Variants in CCDC85A observed in about 807,000 individuals in gnomAD.
CCDC85A encodes the protein coiled-coil domain containing 85A.
In CCDC85A, 38 loss-of-function variants were observed where a neutral mutation model predicts 50.2. The ratio of observed to expected loss-of-function variants is 0.76; its 90% CI spans 0.58 to 0.99. The LOEUF (loss-of-function observed/expected upper bound fraction) is 0.99, where lower values mean the gene tolerates loss of function less well. Among genes scored for constraint, CCDC85A ranks in the 50% least tolerant of loss-of-function variants. The pLI is 0.00. For synonymous variants in CCDC85A, 366 were observed against 301.4 expected, an observed-to-expected ratio of 1.21 and a Z score of -2.22; for missense variants, 820 against 742.0, an observed-to-expected ratio of 1.11 and a Z score of -1.22.
chr2:56,226,372 C>G (rs1207251167), intron 2 of CCDC85A, among the ~76,000 whole-genome samples: 4 of 152,148 alleles, frequency 2.6e-5, no homozygotes, highest in Non-Finnish European at 5.9e-5. Flanking sequence ...ATAGTAGATA[C>G]TCACTGAATA....
chr2:56,198,577 T>A (rs977367217), intron 2 of CCDC85A, among the ~76,000 whole-genome samples: 3 of 152,222 alleles, frequency 2.0e-5, no homozygotes, highest in Admixed American at 6.5e-5. Context: ...CATTTTGACT[T>A]AATGACATAG....
intron 2 of CCDC85A, among the ~76,000 whole-genome samples, chr2:56,232,446 G>T (rs1257076597): frequency 1.3e-5 from 2 of 152,164 alleles, no homozygotes; most frequent in African/African-American, 4.8e-5. Context: ...CAAGTATCAA[G>T]GGCAGGACCA....
At chr2:56,321,768 T>C (rs576829946) in intron 2 of CCDC85A, among the ~76,000 whole-genome samples, 1 of 152,288 alleles carries the variant, frequency 6.6e-6, no homozygotes, top group South Asian at 2.1e-4. Flanking sequence ...CCAATGACTT[T>C]CTTCACAGAA....
At chr2:56,216,061 AG>A (rs1406826555) in intron 2 of CCDC85A, among the ~76,000 whole-genome samples, 1 of 151,916 alleles carries the variant, frequency 6.6e-6, no homozygotes, top group Non-Finnish European at 1.5e-5. Flanking sequence ...AGACTTTCAA[AG>A]CCTAAAATAC....
chr2:56,275,864 A>T (rs1279925862), intron 2 of CCDC85A, among the ~76,000 whole-genome samples: 1 of 152,184 alleles, frequency 6.6e-6, no homozygotes, highest in Non-Finnish European at 1.5e-5. Flanking sequence ...AGGAGGCAAA[A>T]GTTCATCACG....
intron 2 of CCDC85A, among the ~76,000 whole-genome samples, chr2:56,262,915 A>G (rs920424187): frequency 2.0e-5 from 3 of 152,260 alleles, no homozygotes; most frequent in African/African-American, 4.8e-5. Flanking sequence ...TAGTTTGGCA[A>G]AATATAACTA....
In CCDC85A at chr2:56,184,893, G is replaced by T. The variant is rs565024722; in HGVS notation, c.269G>T (p.Gly90Val). The T allele has an allele frequency of 3.8e-5, 58 of 1,513,720 alleles. No homozygotes were observed. In the South Asian group the frequency reaches 7.2e-4, roughly 19 times the overall value. 93.8% of individuals were successfully genotyped at this position (1,513,720 alleles called of 1,614,324 possible). Residue 90 changes from glycine (G) to valine (V), a missense_variant, in exon 1 of 6, where the codon GGC becomes GTC. Transcript: ENST00000407595. ...RLQLHLGEIR[G>V]LKDINQKLQE... ...CAGCTGCACCTCGGCGAGATCCGCG[G>T]CCTCAAGGTGAGCGCGGGCCAGGTG...
intron 2 of CCDC85A, among the ~76,000 whole-genome samples, chr2:56,274,676 C>T (rs370471034): frequency 3.9e-5 from 6 of 152,296 alleles, no homozygotes; most frequent in South Asian, 4.1e-4. Flanking sequence ...GACCGGGCAC[C>T]GTAGTCTAGC....
intron 2 of CCDC85A, among the ~76,000 whole-genome samples, chr2:56,194,005 T>C (rs936401288): frequency 2.6e-5 from 4 of 152,230 alleles, no homozygotes; most frequent in African/African-American, 9.6e-5. Context: ...GGATTTTTTT[T>C]CCATTGTGTT....
At chr2:56,375,378 G>C (rs1311173794) in intron 4 of CCDC85A, among the ~76,000 whole-genome samples, 2 of 152,152 alleles carry the variant, frequency 1.3e-5, no homozygotes, top group Non-Finnish European at 2.9e-5. Context: ...CCTCAAAGAA[G>C]GGTTTTATAA....
chr2:56,258,519 G>C (rs374547091), intron 2 of CCDC85A, among the ~76,000 whole-genome samples: 22 of 152,268 alleles, frequency 1.4e-4, no homozygotes, highest in African/African-American at 5.3e-4. Context: ...GTTATGGAGA[G>C]AGTCTACCAG....
chr2:56,357,344 G>A (rs1175242798), intron 3 of CCDC85A, among the ~76,000 whole-genome samples: 2 of 152,272 alleles, frequency 1.3e-5, no homozygotes, highest in East Asian at 3.9e-4. Flanking sequence ...AGTCATGAGA[G>A]TGTGATAAGA....
At chr2:56,216,634 G>A (rs990263389) in intron 2 of CCDC85A, among the ~76,000 whole-genome samples, 1 of 149,704 alleles carries the variant, frequency 6.7e-6, no homozygotes, top group African/African-American at 2.5e-5. Flanking sequence ...GAGTTCAGTT[G>A]TATTCATTTC....
intron 3 of CCDC85A, among the ~76,000 whole-genome samples, chr2:56,353,066 G>C (rs1310125340): frequency 1.3e-5 from 2 of 151,924 alleles, no homozygotes; most frequent in Non-Finnish European, 2.9e-5. Context: ...CACTATATTG[G>C]GTCTTTAATT....
intron 4 of CCDC85A, 72 bp downstream of exon 4, chr2:56,372,550 GT>G: frequency 7.2e-7 from 1 of 1,389,232 alleles, no homozygotes; most frequent in Non-Finnish European, 9.5e-7. Flanking sequence ...TAGAGAAAAA[GT>G]TATACTGGGG....
At chr2:56,252,229 G>A (rs1384026086) in intron 2 of CCDC85A, among the ~76,000 whole-genome samples, 1 of 151,984 alleles carries the variant, frequency 6.6e-6, no homozygotes, top group Non-Finnish European at 1.5e-5. Flanking sequence ...TGTATTTTTA[G>A]TAGAGACAGG....
At chr2:56,224,816 G>A (rs899171296) in intron 2 of CCDC85A, among the ~76,000 whole-genome samples, 3 of 152,020 alleles carry the variant, frequency 2.0e-5, no homozygotes, top group Admixed American at 6.6e-5. Flanking sequence ...AGTTATAAAT[G>A]TTCTTTATGT....
At chr2:56,337,051 C>A (rs1461764083) in intron 2 of CCDC85A, among the ~76,000 whole-genome samples, 4 of 152,194 alleles carry the variant, frequency 2.6e-5, no homozygotes, top group Non-Finnish European at 5.9e-5. Flanking sequence ...AGCTTTAGTT[C>A]TCTTATTTGC....
At chr2:56,198,150 A>G (rs1314271792) in intron 2 of CCDC85A, among the ~76,000 whole-genome samples, 2 of 152,266 alleles carry the variant, frequency 1.3e-5, no homozygotes, top group Non-Finnish European at 2.9e-5. Context: ...GATAACCTGT[A>G]TGTGGAAGAC....
Sources: allele counts gnomAD v4.1 joint callset (sites outside exome capture counted in the v4.1 genomes callset), GRCh38; gene constraint gnomAD v4.1.1; transcripts MANE v1.5; gene names NCBI Gene and HGNC (gene_info 2026-07-23, HGNC 2026-07-21).